The following CHRM3 variants were observed in gnomAD, a reference collection of about 807,000 sequenced individuals.
CHRM3 encodes the protein muscarinic acetylcholine receptor M3.
A neutral mutation model predicts 41.8 loss-of-function variants in CHRM3; 11 were observed. That is an observed-to-expected ratio of 0.26 (90% CI 0.17 to 0.44). The LOEUF is 0.44. Among genes scored for constraint, CHRM3 ranks in the 20% least tolerant of loss-of-function variants. CHRM3 has a pLI of 1.00. For synonymous variants in CHRM3, 297 were observed against 301.4 expected (o/e 0.99, Z 0.15); for missense variants, 571 against 745.4 (o/e 0.77, Z 2.72).
At chr1:239,512,015 T>A (rs1036386274) in intron 2 of CHRM3, among the ~76,000 whole-genome samples, 1 of 152,006 alleles carries the variant, frequency 6.6e-6, no homozygotes, top group African/African-American at 2.4e-5. Context: ...GGATGAGGGT[T>A]GTTGTTCTAG....
chr1:239,741,096 C>T (rs947289665), intron 5 of CHRM3, among the ~76,000 whole-genome samples: 1 of 151,906 alleles, frequency 6.6e-6, no homozygotes, highest in Admixed American at 6.6e-5. Context: ...GCTAAGGTTC[C>T]CATAACAAAA....
At chr1:239,578,473 A>G (rs1039528312) in intron 3 of CHRM3, among the ~76,000 whole-genome samples, 3 of 152,178 alleles carry the variant, frequency 2.0e-5, no homozygotes, top group African/African-American at 7.2e-5. Flanking sequence ...AAAATTTACT[A>G]TTATGGTCAA....
At chr1:239,672,593 TCCCAC>T (rs1674484703) in intron 4 of CHRM3, among the ~76,000 whole-genome samples, 1 of 106,874 alleles carries the variant, frequency 9.4e-6, no homozygotes, top group South Asian at 3.0e-4. Context: ...GTCTCTTTCT[TCCCAC>T]TACACACACA....
chr1:239,604,810 G>A (rs1666040115), intron 3 of CHRM3, among the ~76,000 whole-genome samples: 1 of 152,182 alleles, frequency 6.6e-6, no homozygotes, highest in Non-Finnish European at 1.5e-5. Flanking sequence ...GGGGAAAGAA[G>A]CGTGCTAACT....
At chr1:239,418,064 A>G (rs2103082558) in intron 1 of CHRM3, among the ~76,000 whole-genome samples, 1 of 152,326 alleles carries the variant, frequency 6.6e-6, no homozygotes, top group Admixed American at 6.5e-5. Flanking sequence ...ATGTATATAC[A>G]TTTAGAAGCT....
intron 5 of CHRM3, among the ~76,000 whole-genome samples, chr1:239,791,951 T>A (rs188841739): frequency 6.6e-6 from 1 of 152,206 alleles, no homozygotes; most frequent in Non-Finnish European, 1.5e-5. Context: ...TTCAGTCTTA[T>A]CAATCCTGCT....
intron 6 of CHRM3, among the ~76,000 whole-genome samples, chr1:239,858,763 G>T (rs553079178): frequency 2.0e-4 from 30 of 152,188 alleles, no homozygotes; most frequent in African/African-American, 7.2e-4. Flanking sequence ...CTCCCCATTT[G>T]TTCCTAGAGC....
intron 5 of CHRM3, among the ~76,000 whole-genome samples, chr1:239,684,976 A>T (rs540834287): frequency 6.6e-6 from 1 of 152,176 alleles, no homozygotes; most frequent in African/African-American, 2.4e-5. Flanking sequence ...AAACAAAAAT[A>T]AAATCAGCAG....
intron 4 of CHRM3, among the ~76,000 whole-genome samples, chr1:239,662,556 G>T (rs1227939403): frequency 6.6e-6 from 1 of 152,056 alleles, no homozygotes; most frequent in Admixed American, 6.6e-5. Context: ...TAGCCGCAAA[G>T]CAATATCAAG....
At chr1:239,687,708 C>T (rs1393837960) in intron 5 of CHRM3, among the ~76,000 whole-genome samples, 1 of 152,074 alleles carries the variant, frequency 6.6e-6, no homozygotes, top group Non-Finnish European at 1.5e-5. Flanking sequence ...ACAGTGCTCC[C>T]ATAACATAAT....
intron 4 of CHRM3, among the ~76,000 whole-genome samples, chr1:239,646,983 A>G (rs1487694060): frequency 6.6e-6 from 1 of 152,232 alleles, no homozygotes; most frequent in African/African-American, 2.4e-5. Context: ...ATAGACTCAG[A>G]AGACACCACA....
chr1:239,834,310 C>CTT lies in CHRM3; in HGVS notation c.-20+6951_-20+6952dup, dbSNP rs71168857. ...CCCACGTTTCTTCTCAACTTAATGC[C>CTT]TTTTTTTTTTTTTTTTTTTTGAGAC... On this transcript the variant is annotated intron_variant, in intron 6 of 6. Coordinates refer to ENST00000676153, the MANE Select transcript of CHRM3 (RefSeq NM_001375978.1). Among the ~76,000 whole-genome samples, 317 of 118,278 alleles carry CTT rather than the reference C, an allele frequency of 2.7e-3. 2 individuals carry two copies. Among genetic ancestry groups the CTT allele is most frequent in the Middle Eastern group, 4.9e-3 (1 of 204 alleles). The allele number at this position is 118,278 out of a possible 152,430, so 77.6% of individuals were successfully genotyped here. A position where few individuals can be genotyped will look rare whatever the true frequency, so the allele number is the denominator to read the frequency against.
intron 6 of CHRM3, among the ~76,000 whole-genome samples, chr1:239,864,526 ACACACACACACACACACACG>A (rs1044867900): frequency 8.2e-5 from 7 of 85,796 alleles, no homozygotes; most frequent in African/African-American, 2.2e-4. Flanking sequence ...AAATACACAC[ACACACACACACACACACACG>A]CACACACACA....
At chr1:239,522,778 T>G (rs568258130) in intron 2 of CHRM3, among the ~76,000 whole-genome samples, 7 of 152,314 alleles carry the variant, frequency 4.6e-5, no homozygotes, top group African/African-American at 1.7e-4. Flanking sequence ...AAAACAGAAC[T>G]CTTAATGTTT....
intron 1 of CHRM3, among the ~76,000 whole-genome samples, chr1:239,426,286 G>A (rs1484755684): frequency 1.3e-5 from 2 of 150,610 alleles, no homozygotes; most frequent in African/African-American, 2.4e-5. Flanking sequence ...TCAGTGTGGC[G>A]ATTCACAGCT....
chr1:239,866,824 A>T (rs1005444030), intron 6 of CHRM3, among the ~76,000 whole-genome samples: 1 of 152,220 alleles, frequency 6.6e-6, no homozygotes, highest in Non-Finnish European at 1.5e-5. Flanking sequence ...ACCATTTATT[A>T]TGCACCTGGG....
In CHRM3 at chr1:239,907,320, G is replaced by C; in HGVS notation, c.-19-113G>C. The C allele has an allele frequency of 1.4e-6, 1 of 725,332 alleles. No individual in the cohort carries two copies. The highest frequency in any genetic ancestry group is 2.7e-5 in the East Asian group (1 of 37,290). 44.9% of individuals were successfully genotyped at this position (725,332 alleles called of 1,614,324 possible). A position where few individuals can be genotyped will look rare whatever the true frequency, so the allele number is the denominator to read the frequency against. On this transcript the variant is annotated intron_variant, in intron 6 of 6. Coordinates refer to ENST00000676153, the MANE Select transcript of CHRM3 (RefSeq NM_001375978.1). This position sits in a 1 kb window ranked among gnomAD's most constrained non-coding sequence, Gnocchi z 5.4. The stretch of plus-strand genomic sequence containing the variant: ...AATGAACTTGATGTTTGGCTTCATA[G>C]AGATTCAGCACCCTGTAATAGGCCT...
chr1:239,852,626 T>C (rs942912685), intron 6 of CHRM3, among the ~76,000 whole-genome samples: 2 of 152,176 alleles, frequency 1.3e-5, no homozygotes, highest in African/African-American at 4.8e-5. Context: ...GGAAATAATG[T>C]GTGAGTGAAA....
chr1:239,874,440 G>A (rs576632305), intron 6 of CHRM3, among the ~76,000 whole-genome samples: 2 of 150,880 alleles, frequency 1.3e-5, no homozygotes, highest in African/African-American at 4.9e-5. Flanking sequence ...TGTGAAACCT[G>A]TGTAAACAAA....
Sources: gnomAD v4.1 joint callset for allele counts (sites outside exome capture counted in the v4.1 genomes callset) on GRCh38, gnomAD v4.1.1 for gene constraint, Gnocchi (gnomAD v3.1) non-coding constraint, MANE v1.5 for transcripts, NCBI Gene and HGNC (gene_info 2026-07-23, HGNC 2026-07-21) for gene names.